CCDC191: variants seen among roughly 807,000 people sequenced by gnomAD.
CCDC191 encodes coiled-coil domain containing 191.
Under a neutral mutation model 114.0 loss-of-function variants are expected in CCDC191, and 99 were observed. The observed-to-expected ratio is 0.87, with a 90% CI of 0.74 to 1.03. The LOEUF (loss-of-function observed/expected upper bound fraction) is 1.03, where lower values mean the gene tolerates loss of function less well. Ranked by LOEUF, CCDC191 falls within the 50% of genes least tolerant of loss-of-function variation. CCDC191 has a pLI of 0.00. For missense variants in CCDC191, 973 were observed against 1,087.0 expected (o/e 0.90, Z 1.47); for synonymous variants, 351 against 376.0 (o/e 0.93, Z 0.77).
intron 8 of CCDC191, among the ~76,000 whole-genome samples, chr3:114,011,618 G>A (rs2076071849): frequency 6.6e-6 from 1 of 152,174 alleles, no homozygotes; most frequent in African/African-American, 2.4e-5. Flanking sequence ...TCTGCCCCAA[G>A]AAGGTACTTG....
intron 16 of CCDC191, among the ~76,000 whole-genome samples, chr3:113,968,471 T>A (rs1323743499): frequency 6.6e-6 from 1 of 152,012 alleles, no homozygotes. Flanking sequence ...CTTTTTTTTT[T>A]AGGGCGTCAC....
chr3:114,004,713 T>G lies in CCDC191; in HGVS notation c.1902A>C (p.Arg634Ser), dbSNP rs1577396146. Residue 634 changes from arginine to serine, a missense_variant, in exon 11 of 17, where the codon AGA becomes AGC. Physicochemically the swap from Arg to Ser is moderately radical, Grantham distance 110 (BLOSUM62 -1). Coordinates refer to ENST00000295878, the MANE Select transcript of CCDC191 (RefSeq NM_020817.2). ...CAGAAAGAGAATTTCGGGAGTCACT[T>G]CTGCCTTCAGTCCCAGGGGAAGCAA... is the stretch of plus-strand genomic sequence containing the variant. Reference protein sequence around the residue: ...SPVASPGTEGRSDSRNSLSGL... With the variant: ...SPVASPGTEGSSDSRNSLSGL... 2.5e-6 allele frequency: 4 copies of G among 1,612,474 alleles called. No homozygotes were observed. Among genetic ancestry groups the G allele is most frequent in the African/African-American group, 2.7e-5 (2 of 74,858 alleles).
At chr3:113,976,090 C>G (rs1207716697) in intron 16 of CCDC191, among the ~76,000 whole-genome samples, 1 of 141,998 alleles carries the variant, frequency 7.0e-6, no homozygotes, top group Non-Finnish European at 1.6e-5. Flanking sequence ...AAAACGCTGT[C>G]TCTACTAAAA....
At chr3:114,056,345 C>CCCCGCCCTCCAAAGCTCTCGATTTT (rs1347664711) in intron 1 of CCDC191, 32 bp downstream of exon 1, 2 of 1,607,960 alleles carry the variant, frequency 1.2e-6, no homozygotes, top group South Asian at 2.2e-5. Flanking sequence ...TTGGGAAAGT[C>CCCCGCCCTCCAAAGCTCTCGATTTT]CCCGCCCTCC....
In CCDC191 at chr3:113,964,950, C is replaced by T. The variant is rs900979899; in HGVS notation, c.*205G>A. 16 of 387,336 alleles carry T rather than the reference C, an allele frequency of 4.1e-5. No homozygotes were observed. The highest frequency in any genetic ancestry group is 6.4e-5 in the Non-Finnish European group (14 of 219,266). The allele number at this position is 387,336 out of a possible 1,614,324, so 24.0% of individuals were successfully genotyped here. A position where few individuals can be genotyped will look rare whatever the true frequency, so the allele number is the denominator to read the frequency against. On this transcript the variant is annotated 3_prime_UTR_variant, in exon 17 of 17. Transcript: ENST00000295878. ...CTCTAGAATGTTCCTTTGGATGATCCCACTGTGATAAATGCTATAGTGAAT... is the reference window on the plus strand; with the variant it reads ...CTCTAGAATGTTCCTTTGGATGATCTCACTGTGATAAATGCTATAGTGAAT...
chr3:114,045,834 T>C (rs2076622416), intron 3 of CCDC191, among the ~76,000 whole-genome samples: 1 of 152,192 alleles, frequency 6.6e-6, no homozygotes, highest in Non-Finnish European at 1.5e-5. Flanking sequence ...AGGTCTGAAC[T>C]TGAAGGACTT....
chr3:113,998,226 A>G (rs1002215137), intron 13 of CCDC191, among the ~76,000 whole-genome samples: 6 of 150,894 alleles, frequency 4.0e-5, no homozygotes, highest in African/African-American at 1.5e-4. Flanking sequence ...GAATCACTTG[A>G]ACCCGGGAGG....
intron 13 of CCDC191, among the ~76,000 whole-genome samples, chr3:113,982,220 A>C (rs1217721722): frequency 6.6e-6 from 1 of 152,186 alleles, no homozygotes. Context: ...TGTGGGGAAA[A>C]CCAGACTTTT....
intron 7 of CCDC191, among the ~76,000 whole-genome samples, chr3:114,020,687 TG>T (rs1323028337): frequency 6.6e-6 from 1 of 152,182 alleles, no homozygotes; most frequent in Non-Finnish European, 1.5e-5. Context: ...TTGTGTGCCA[TG>T]GTTGAAAGAA....
chr3:113,978,692 C>T, intron 15 of CCDC191, 166 bp downstream of exon 15: 2 of 748,640 alleles, frequency 2.7e-6, no homozygotes, highest in Middle Eastern at 3.7e-4. Context: ...ACTAATAAAA[C>T]ACTGATTTAC....
In CCDC191 at chr3:113,964,382, A is replaced by G. The variant is rs939541411; in HGVS notation, c.*773T>C. ...TCTTTATAGCATCTTAAAGATGAAA[A>G]CATTCTTTGAATTCAAGATAGGTAT... On this transcript the variant is annotated 3_prime_UTR_variant, in exon 17 of 17. Coordinates refer to ENST00000295878, the MANE Select transcript of CCDC191 (RefSeq NM_020817.2). 2 of 152,232 alleles carry G rather than the reference A, an allele frequency of 1.3e-5. No homozygotes were observed. Among genetic ancestry groups the G allele is most frequent in the African/African-American group, 4.8e-5 (2 of 41,460 alleles). 9.4% of individuals were successfully genotyped at this position (152,232 alleles called of 1,614,324 possible).
rs574869510 is a variant in CCDC191, at chr3:113,980,669, T to C, written c.2288A>G (p.Gln763Arg). 2.1e-4 allele frequency: 335 copies of C among 1,592,480 alleles called. 2 individuals are homozygous for C. The South Asian group carries it at 3.7e-3, about 18-fold the overall frequency. Reference sequence around the variant, plus strand: ...GTGTACCTGGATGTTTTGTTTGCTTTGCATTCTCAATCTCTTCCAAGGCTC... The same window carrying C: ...GTGTACCTGGATGTTTTGTTTGCTTCGCATTCTCAATCTCTTCCAAGGCTC... ...GLEPWKRLRM[Q>R]SKQNIQVAEE... is the part of the protein sequence containing the mutation. The change falls in exon 14 of 17, where the codon CAA becomes CGA. Residue 763 changes from glutamine to arginine, a missense_variant. By Grantham distance (43) the Gln-to-Arg change is conservative (BLOSUM62 1). Coordinates refer to ENST00000295878, the MANE Select transcript of CCDC191 (RefSeq NM_020817.2).
intron 2 of CCDC191, chr3:114,047,139 T>G (rs2076641623): frequency 1.0e-6 from 1 of 982,586 alleles, no homozygotes; most frequent in African/African-American, 1.7e-5. Flanking sequence ...TAACCACACT[T>G]CAGCAAATTA....
At chr3:113,977,577 A>G (rs2074973497) in intron 16 of CCDC191, among the ~76,000 whole-genome samples, 1 of 152,248 alleles carries the variant, frequency 6.6e-6, no homozygotes, top group Non-Finnish European at 1.5e-5. Flanking sequence ...CATGTATATA[A>G]AGTTCCAAAC....
intron 16 of CCDC191, among the ~76,000 whole-genome samples, chr3:113,969,945 G>A (rs1227532442): frequency 1.3e-5 from 2 of 152,004 alleles, no homozygotes; most frequent in African/African-American, 4.8e-5. Flanking sequence ...GGGTAGTATT[G>A]CCATTTTAAC....
At chr3:113,973,845 C>CTAT (rs1941064252) in intron 16 of CCDC191, among the ~76,000 whole-genome samples, 1 of 151,914 alleles carries the variant, frequency 6.6e-6, no homozygotes, top group African/African-American at 2.4e-5. Flanking sequence ...GGAAAGTTTC[C>CTAT]TATTTTTATT....
At chr3:113,986,973 T>G (rs1265919401) in intron 13 of CCDC191, among the ~76,000 whole-genome samples, 1 of 152,050 alleles carries the variant, frequency 6.6e-6, no homozygotes, top group Non-Finnish European at 1.5e-5. Flanking sequence ...AAAACAAATT[T>G]CAGTTATTTA....
chr3:114,045,515 G>A (rs571171995), intron 3 of CCDC191, among the ~76,000 whole-genome samples: 1 of 152,208 alleles, frequency 6.6e-6, no homozygotes, highest in Non-Finnish European at 1.5e-5. Context: ...GGGATTACAG[G>A]CACCCACCAC....
intron 8 of CCDC191, among the ~76,000 whole-genome samples, chr3:114,016,340 C>T (rs1192388491): frequency 6.6e-6 from 1 of 152,132 alleles, no homozygotes; most frequent in East Asian, 1.9e-4. Flanking sequence ...CAACTGAGTT[C>T]TTCATTTGTT....
Sources: allele counts gnomAD v4.1 joint callset (sites outside exome capture counted in the v4.1 genomes callset), GRCh38; gene constraint gnomAD v4.1.1; transcripts MANE v1.5; gene names NCBI Gene and HGNC (gene_info 2026-07-23, HGNC 2026-07-21).